The following HIP1 variants were observed in gnomAD, a reference collection of about 807,000 sequenced individuals.
HIP1 encodes huntingtin interacting protein 1, also known as huntingtin-interacting protein 1.
In HIP1, 65 loss-of-function variants were observed where a neutral mutation model predicts 147.6. That is an observed-to-expected ratio of 0.44 (90% CI 0.36 to 0.54). The LOEUF (loss-of-function observed/expected upper bound fraction) is 0.54. HIP1 is among the 20% of genes least tolerant of loss of function. The pLI, the probability that HIP1 is intolerant of heterozygous loss-of-function variation, is 0.00. For synonymous variants in HIP1, 479 were observed against 504.0 expected, an observed-to-expected ratio of 0.95 and a Z score of 0.67; for missense variants, 1,061 against 1,299.6, an observed-to-expected ratio of 0.82 and a Z score of 2.82.
At chr7:75,656,580 C>T (rs559244805) in intron 1 of HIP1, among the ~76,000 whole-genome samples, 6 of 152,228 alleles carry the variant, frequency 3.9e-5, no homozygotes, top group Non-Finnish European at 5.9e-5. Flanking sequence ...TGGGTTCAAG[C>T]GATTCTCCTG....
At chr7:75,602,542 C>G (rs1334908662) in intron 1 of HIP1, among the ~76,000 whole-genome samples, 1 of 117,342 alleles carries the variant, frequency 8.5e-6, no homozygotes, top group East Asian at 2.8e-4. Context: ...CTCGCTCTGT[C>G]ACCAGGCTGG....
chr7:75,649,729 G>A (rs539988862), intron 1 of HIP1, among the ~76,000 whole-genome samples: 16 of 152,132 alleles, frequency 1.1e-4, no homozygotes, highest in Non-Finnish European at 2.1e-4. Context: ...GGAACCCCCG[G>A]CCTGGTCTTG....
chr7:75,561,941 C>T, intron 12 of HIP1, 132 bp downstream of exon 12: 2 of 645,416 alleles, frequency 3.1e-6, no homozygotes, highest in South Asian at 3.8e-5. Flanking sequence ...GCCATTGCCC[C>T]CAACCCTTCA....
At chr7:75,543,415 G>C (rs1434274759) in intron 27 of HIP1, among the ~76,000 whole-genome samples, 1 of 152,066 alleles carries the variant, frequency 6.6e-6, no homozygotes, top group African/African-American at 2.4e-5. Context: ...GCAATGGCAT[G>C]ATCTTAGCTC....
At chr7:75,556,940 A>C (rs2116818626) in intron 16 of HIP1, 129 bp from the exon 17 acceptor site, 3 of 575,368 alleles carry the variant, frequency 5.2e-6, no homozygotes, top group Non-Finnish European at 6.2e-6. Context: ...ACACCCCCCC[A>C]AAAAAGTGCA....
At chr7:75,691,228 C>T (rs1483966439) in intron 1 of HIP1, among the ~76,000 whole-genome samples, 3 of 152,088 alleles carry the variant, frequency 2.0e-5, no homozygotes, top group African/African-American at 7.2e-5. Flanking sequence ...GTGGCTCATC[C>T]CTGTAATCCC....
Position 75,570,133 on chromosome 7 carries a change from C to T in HIP1, c.746-1877G>A, listed in dbSNP as rs113086705. On this transcript the variant is annotated intron_variant, in intron 8 of 30. Coordinates refer to ENST00000336926, the MANE Select transcript of HIP1 (RefSeq NM_005338.7). ...ATTTTTAGCAGATACAGGGTTTCGC[C>T]GTGTTGGCCAGGATGGTTTCAATCT... Among the ~76,000 whole-genome samples, 1,148 of 151,584 alleles carry T rather than the reference C, an allele frequency of 7.6e-3. 16 individuals carry two copies. The highest frequency in any genetic ancestry group is 0.026 in the African/African-American group (1,093 of 41,324).
At chr7:75,596,574 C>A (rs371634850) in intron 2 of HIP1, among the ~76,000 whole-genome samples, 1 of 151,924 alleles carries the variant, frequency 6.6e-6, no homozygotes, top group African/African-American at 2.4e-5. Flanking sequence ...TTCAGTAGGA[C>A]GGGGTTTTAC....
intron 1 of HIP1, among the ~76,000 whole-genome samples, chr7:75,732,424 G>A (rs1244301386): frequency 6.6e-6 from 1 of 152,116 alleles, no homozygotes; most frequent in African/African-American, 2.4e-5. Context: ...AGTCTGGAGT[G>A]CAGTGGTGTG....
chr7:75,617,497 G>A (rs761308549), intron 1 of HIP1, among the ~76,000 whole-genome samples: 5 of 152,068 alleles, frequency 3.3e-5, no homozygotes, highest in Admixed American at 1.3e-4. Flanking sequence ...GATTACAGGC[G>A]TGACCCACCG....
intron 11 of HIP1, among the ~76,000 whole-genome samples, 156 bp downstream of exon 11, chr7:75,562,779 C>T (rs1396858468): frequency 6.6e-6 from 1 of 152,226 alleles, no homozygotes; most frequent in African/African-American, 2.4e-5. Flanking sequence ...CTGGGAGCCA[C>T]AGAGCAGGAT....
At chr7:75,639,044 C>T (rs1798546764) in intron 1 of HIP1, 1 of 982,456 alleles carries the variant, frequency 1.0e-6, no homozygotes, top group South Asian at 4.7e-5. Context: ...CCCCTGCTCA[C>T]ACTTACCATC....
chr7:75,656,786 T>C (rs1266661852), intron 1 of HIP1, among the ~76,000 whole-genome samples: 3 of 152,142 alleles, frequency 2.0e-5, no homozygotes, highest in African/African-American at 7.2e-5. Flanking sequence ...TGAGAAGACT[T>C]TGTTAAGCAA....
At chr7:75,639,520 A>T (rs1554510155) in intron 1 of HIP1, among the ~76,000 whole-genome samples, 1 of 150,644 alleles carries the variant, frequency 6.6e-6, no homozygotes, top group Admixed American at 6.6e-5. Context: ...GGTGGCGGGG[A>T]TCGCCGATCC....
At chr7:75,552,665 T>A (rs1794829117) in intron 22 of HIP1, among the ~76,000 whole-genome samples, 2 of 152,042 alleles carry the variant, frequency 1.3e-5, no homozygotes, top group Non-Finnish European at 2.9e-5. Flanking sequence ...CACTACATCT[T>A]TAGTAAATGA....
intron 1 of HIP1, among the ~76,000 whole-genome samples, chr7:75,703,433 C>T (rs1438634557): frequency 2.0e-5 from 3 of 152,072 alleles, no homozygotes; most frequent in Admixed American, 6.6e-5. Flanking sequence ...CACCCGAGGT[C>T]GGGAGTTCGA....
chr7:75,705,890 ATTTAT>A (rs1376098031), intron 1 of HIP1, among the ~76,000 whole-genome samples: 2 of 151,654 alleles, frequency 1.3e-5, no homozygotes, highest in African/African-American at 4.8e-5. Context: ...TTTTTATTTT[ATTTAT>A]TTTATTATTT....
intron 1 of HIP1, among the ~76,000 whole-genome samples, chr7:75,706,076 G>T (rs1246944423): frequency 6.6e-6 from 1 of 151,922 alleles, no homozygotes; most frequent in Non-Finnish European, 1.5e-5. Context: ...TGTATTTTTA[G>T]TAGAGATGGG....
At chr7:75,625,178 G>A (rs782057611) in intron 1 of HIP1, 4 of 152,170 alleles carry the variant, frequency 2.6e-5, no homozygotes, top group Non-Finnish European at 4.4e-5. Context: ...GCCTCCCAAA[G>A]TGCTGGGATT....
Sources: allele counts gnomAD v4.1 joint callset (sites outside exome capture counted in the v4.1 genomes callset), GRCh38; gene constraint gnomAD v4.1.1; transcripts MANE v1.5; gene names NCBI Gene and HGNC (gene_info 2026-07-23, HGNC 2026-07-21).